BORCS5: variants seen among roughly 807,000 people sequenced by gnomAD.
The protein encoded by BORCS5 is BLOC-1 related complex subunit 5.
A neutral mutation model predicts 22.1 loss-of-function variants in BORCS5; 17 were observed. The ratio of observed to expected loss-of-function variants is 0.77; its 90% CI spans 0.53 to 1.15. The LOEUF (loss-of-function observed/expected upper bound fraction) is 1.15, where lower values mean the gene tolerates loss of function less well. Ranked by LOEUF, BORCS5 falls within the 50% of genes most tolerant of loss-of-function variation. The probability of loss-of-function intolerance (pLI) is 0.00; values close to 1 mark genes in which losing one functional copy is unlikely to be tolerated. For synonymous variants in BORCS5, 117 were observed against 99.8 expected, an observed-to-expected ratio of 1.17 and a Z score of -1.03; for missense variants, 247 against 253.2, an observed-to-expected ratio of 0.98 and a Z score of 0.17.
intron 2 of BORCS5, among the ~76,000 whole-genome samples, chr12:12,389,877 C>T (rs559074616): frequency 6.6e-6 from 1 of 152,150 alleles, no homozygotes; most frequent in East Asian, 1.9e-4. Flanking sequence ...CTCTTGACCT[C>T]AAGTGATCTT....
intron 3 of BORCS5, among the ~76,000 whole-genome samples, chr12:12,450,290 C>T (rs1350159181): frequency 6.6e-6 from 1 of 152,190 alleles, no homozygotes; most frequent in African/African-American, 2.4e-5. Context: ...AGGACCCTTG[C>T]ACCTCCTTCC....
chr12:12,442,037 T>C (rs898245390), intron 3 of BORCS5, among the ~76,000 whole-genome samples: 17 of 152,166 alleles, frequency 1.1e-4, no homozygotes, highest in African/African-American at 4.1e-4. Flanking sequence ...CATTGAAATG[T>C]GGGGTAACTG....
At chr12:12,431,385 A>G (rs948182465) in intron 2 of BORCS5, among the ~76,000 whole-genome samples, 4 of 141,816 alleles carry the variant, frequency 2.8e-5, no homozygotes, top group South Asian at 2.2e-4. Flanking sequence ...ACTTTTGTTC[A>G]TCTTTCTTTT....
At chr12:12,447,204 C>G (rs1041950639) in intron 3 of BORCS5, among the ~76,000 whole-genome samples, 1 of 152,284 alleles carries the variant, frequency 6.6e-6, no homozygotes, top group Middle Eastern at 3.4e-3. Flanking sequence ...TCACATGGCT[C>G]TAGCCTGAAA....
intron 2 of BORCS5, among the ~76,000 whole-genome samples, chr12:12,365,670 C>T (rs767899768): frequency 2.6e-5 from 4 of 151,754 alleles, no homozygotes; most frequent in African/African-American, 9.7e-5. Flanking sequence ...CATCTTGGGC[C>T]GTGATTAGGA....
intron 2 of BORCS5, among the ~76,000 whole-genome samples, chr12:12,406,657 G>C (rs950209207): frequency 1.3e-5 from 2 of 150,980 alleles, no homozygotes; most frequent in East Asian, 1.9e-4. Flanking sequence ...AAAAAAAAAC[G>C]TGTCAGGTCC....
chr12:12,449,101 C>G (rs1457243673), intron 3 of BORCS5, among the ~76,000 whole-genome samples: 1 of 152,180 alleles, frequency 6.6e-6, no homozygotes, highest in Admixed American at 6.5e-5. Context: ...GGCTTTTTAA[C>G]AGTGTCTCAG....
chr12:12,451,649 C>T (rs1942911235), intron 3 of BORCS5, among the ~76,000 whole-genome samples: 3 of 152,094 alleles, frequency 2.0e-5, no homozygotes, highest in African/African-American at 2.4e-5. Context: ...TTTGGGAGGC[C>T]GAGGCGGGCG....
At chr12:12,361,463 T>C (rs1863285432) in intron 2 of BORCS5, 114 bp downstream of exon 2, 6 of 1,159,626 alleles carry the variant, frequency 5.2e-6, no homozygotes, top group Non-Finnish European at 7.4e-6. Context: ...AGGTCTTTGC[T>C]TAAATGGCAT....
At position 12,470,676 on chromosome 12, in the gene BORCS5, G is replaced by T. The variant is rs373499800; in HGVS notation, c.*4900G>T. On this transcript the variant is annotated 3_prime_UTR_variant, in exon 4 of 4. Transcript: ENST00000314565. ...ATAAATAACATTGAATTTCATGTGG[G>T]TTTTTTTTTTTTGACACACCAGGCA... Among the ~76,000 whole-genome samples the T allele has an allele frequency of 1.1e-4, 16 of 146,514 alleles. No homozygotes were observed. The highest frequency in any genetic ancestry group is 8.6e-4 in the South Asian group (4 of 4,634).
chr12:12,419,485 A>T (rs1330457936), intron 2 of BORCS5, among the ~76,000 whole-genome samples: 5 of 152,232 alleles, frequency 3.3e-5, no homozygotes, highest in Non-Finnish European at 7.3e-5. Context: ...TGCTGTTGTG[A>T]ATAGTGCCAT....
chr12:12,435,042 C>T (rs1942524963), intron 2 of BORCS5, among the ~76,000 whole-genome samples: 1 of 152,110 alleles, frequency 6.6e-6, no homozygotes, highest in Non-Finnish European at 1.5e-5. Context: ...TAATGGTTAC[C>T]TGGCTAAGCT....
chr12:12,415,874 T>G (rs78946519), intron 2 of BORCS5, among the ~76,000 whole-genome samples: 2 of 152,262 alleles, frequency 1.3e-5, no homozygotes, highest in Non-Finnish European at 2.9e-5. Context: ...TCTGCTTCAA[T>G]TTTTTGGGAA....
chr12:12,469,474 A>G lies in BORCS5; in HGVS notation c.*3698A>G, dbSNP rs1403663476. On this transcript the variant is annotated 3_prime_UTR_variant, in exon 4 of 4. Transcript: ENST00000314565. ...GTATTTCTTTGCGGCTTCTTCAGTT[A>G]TGAAAGAGGTTGGTACTGTTACCCT... 6.6e-6 allele frequency: 1 copy of G among 152,246 alleles called. No homozygotes were observed. The highest frequency in any genetic ancestry group is 1.5e-5 in the Non-Finnish European group (1 of 68,056). 9.4% of individuals were successfully genotyped at this position (152,246 alleles called of 1,614,324 possible).
At chr12:12,373,480 G>GT (rs1270089934) in intron 2 of BORCS5, among the ~76,000 whole-genome samples, 1 of 152,154 alleles carries the variant, frequency 6.6e-6, no homozygotes, top group Non-Finnish European at 1.5e-5. Flanking sequence ...TCGGAAATGA[G>GT]TGTTTCATAT....
At chr12:12,435,914 G>T in intron 3 of BORCS5, 129 bp downstream of exon 3, 1 of 922,104 alleles carries the variant, frequency 1.1e-6, no homozygotes. Context: ...GCAGTAAAAT[G>T]TGATGATGAA....
At chr12:12,418,106 G>T (rs1361532150) in intron 2 of BORCS5, among the ~76,000 whole-genome samples, 1 of 151,144 alleles carries the variant, frequency 6.6e-6, no homozygotes, top group African/African-American at 2.4e-5. Context: ...TCACTGCAAG[G>T]TCTGCCTCCC....
At chr12:12,397,938 C>T (rs894854338) in intron 2 of BORCS5, among the ~76,000 whole-genome samples, 2 of 152,072 alleles carry the variant, frequency 1.3e-5, no homozygotes, top group African/African-American at 2.4e-5. Context: ...TTCTTGTTAC[C>T]GAAAGCAGAG....
At chr12:12,462,450 A>T (rs1943124454) in intron 3 of BORCS5, among the ~76,000 whole-genome samples, 1 of 152,234 alleles carries the variant, frequency 6.6e-6, no homozygotes, top group Non-Finnish European at 1.5e-5. Flanking sequence ...TTCTAAAATC[A>T]CATAGATACT....
Sources: gnomAD v4.1 joint callset for allele counts (sites outside exome capture counted in the v4.1 genomes callset) on GRCh38, gnomAD v4.1.1 for gene constraint, MANE v1.5 for transcripts, NCBI Gene and HGNC (gene_info 2026-07-23, HGNC 2026-07-21) for gene names.